The following UCK2 variants were observed in gnomAD, a reference collection of about 807,000 sequenced individuals.
UCK2 encodes the protein uridine-cytidine kinase 2, also known as cytidine monophosphokinase 2.
A neutral mutation model predicts 30.8 loss-of-function variants in UCK2; 6 were observed. The observed-to-expected ratio is 0.19, with a 90% confidence interval of 0.11 to 0.38. The LOEUF is 0.38. Among genes scored for constraint, UCK2 ranks in the 10% least tolerant of loss-of-function variants. The pLI is 1.00. For missense variants in UCK2, 210 were observed against 339.8 expected, an observed-to-expected ratio of 0.62 and a Z score of 3.00; for synonymous variants, 125 against 133.6, an observed-to-expected ratio of 0.94 and a Z score of 0.45.
At chr1:165,837,879 C>T (rs1329839386) in intron 1 of UCK2, among the ~76,000 whole-genome samples, 2 of 152,202 alleles carry the variant, frequency 1.3e-5, no homozygotes, top group Non-Finnish European at 2.9e-5. Flanking sequence ...ACCTCACCAT[C>T]TCAGTTGATG....
At chr1:165,833,634 T>TG (rs1373846042) in intron 1 of UCK2, among the ~76,000 whole-genome samples, 3 of 152,198 alleles carry the variant, frequency 2.0e-5, no homozygotes, top group Non-Finnish European at 4.4e-5. Flanking sequence ...TGTCAAATCT[T>TG]GCTTTTATGA....
At chr1:165,835,782 A>G (rs1034034952) in intron 1 of UCK2, among the ~76,000 whole-genome samples, 8 of 152,134 alleles carry the variant, frequency 5.3e-5, no homozygotes, top group African/African-American at 1.9e-4. Flanking sequence ...ATTTAATTTC[A>G]TTTATTTTTA....
intron 1 of UCK2, among the ~76,000 whole-genome samples, chr1:165,830,616 C>T (rs1032618750): frequency 5.7e-5 from 8 of 140,910 alleles, no homozygotes; most frequent in Non-Finnish European, 1.2e-4. Context: ...TGCGCCACCA[C>T]GCCGGCAATC....
At chr1:165,878,698 A>G (rs1655400487) in intron 1 of UCK2, among the ~76,000 whole-genome samples, 1 of 152,240 alleles carries the variant, frequency 6.6e-6, no homozygotes, top group Admixed American at 6.5e-5. Context: ...GCTGTACCAC[A>G]GTTTATTCAT....
Position 165,911,550 on chromosome 1 carries a change from T to G in UCK2, c.*3727T>G, listed in dbSNP as rs1205500417. 2 of 152,200 alleles carry G rather than the reference T, an allele frequency of 1.3e-5. No homozygotes were observed. Among genetic ancestry groups the G allele is most frequent in the Non-Finnish European group, 2.9e-5 (2 of 68,046 alleles). 9.4% of individuals were successfully genotyped at this position (152,200 alleles called of 1,614,324 possible). A position where few individuals can be genotyped will look rare whatever the true frequency, so the allele number is the denominator to read the frequency against. ...CCCTTTTCTTTTTACCACCCTACCT[T>G]TATTGTTAGTGGTTACAAAGTGACC... On this transcript the variant is annotated 3_prime_UTR_variant, in exon 7 of 7. Coordinates refer to ENST00000367879, the MANE Select transcript of UCK2 (RefSeq NM_012474.5).
At chr1:165,876,263 A>G (rs1181246469) in intron 1 of UCK2, among the ~76,000 whole-genome samples, 2 of 152,218 alleles carry the variant, frequency 1.3e-5, no homozygotes, top group Non-Finnish European at 2.9e-5. Flanking sequence ...ATTGCTACTC[A>G]TTTTGAAGAC....
intron 1 of UCK2, 134 bp from the exon 2 acceptor site, chr1:165,890,070 G>A (rs1655727098): frequency 1.5e-5 from 14 of 942,786 alleles, no homozygotes; most frequent in Admixed American, 2.1e-5. Flanking sequence ...CATCATGCAC[G>A]ATAGCTGCCT....
At chr1:165,877,792 T>TTAGTTGCA (rs1557843072) in intron 1 of UCK2, among the ~76,000 whole-genome samples, 1 of 152,184 alleles carries the variant, frequency 6.6e-6, no homozygotes, top group Non-Finnish European at 1.5e-5. Flanking sequence ...ATATGGTAGT[T>TTAGTTGCA]TAGTTGCATG....
intron 2 of UCK2, chr1:165,890,706 C>T: frequency 3.3e-6 from 1 of 298,590 alleles, no homozygotes; most frequent in East Asian, 7.4e-5. Context: ...GACCCTCCTC[C>T]TCAGGTGTAC....
At chr1:165,856,568 G>T (rs957527102) in intron 1 of UCK2, among the ~76,000 whole-genome samples, 2 of 150,944 alleles carry the variant, frequency 1.3e-5, no homozygotes, top group African/African-American at 4.9e-5. Context: ...TGACATTCCT[G>T]TGTGTTTTTA....
At chr1:165,905,826 A>G (rs1043496420) in intron 5 of UCK2, 95 bp from the exon 6 acceptor site, 1 of 1,166,768 alleles carries the variant, frequency 8.6e-7, no homozygotes, top group Non-Finnish European at 1.3e-6. Context: ...GCTCGCTAGT[A>G]TGAATGCTGC....
chr1:165,876,543 A>G (rs2101873708), intron 1 of UCK2, among the ~76,000 whole-genome samples: 1 of 152,360 alleles, frequency 6.6e-6, no homozygotes, highest in East Asian at 1.9e-4. Flanking sequence ...GTAAGGAGAT[A>G]AAAACAATGT....
At chr1:165,837,720 C>A (rs1654231046) in intron 1 of UCK2, among the ~76,000 whole-genome samples, 2 of 152,122 alleles carry the variant, frequency 1.3e-5, no homozygotes, top group African/African-American at 4.8e-5. Context: ...TAACAAGTGT[C>A]CAAAAACGGG....
At chr1:165,888,128 A>G (rs536170374) in intron 1 of UCK2, among the ~76,000 whole-genome samples, 20 of 152,328 alleles carry the variant, frequency 1.3e-4, no homozygotes, top group African/African-American at 4.3e-4. Context: ...GCTCAGGGCA[A>G]TCAAACACAA....
At chr1:165,841,111 G>GTATATATATATATA (rs61030546) in intron 1 of UCK2, among the ~76,000 whole-genome samples, 1 of 144,936 alleles carries the variant, frequency 6.9e-6, no homozygotes, top group African/African-American at 2.6e-5. Context: ...GTGTGTGTGT[G>GTATATATATATATA]TATATATATA....
chr1:165,908,653 T>C lies in UCK2; in HGVS notation c.*830T>C, dbSNP rs899265248. The C allele has an allele frequency of 5.3e-5, 8 of 151,982 alleles. No individual in the cohort carries two copies. The highest frequency in any genetic ancestry group is 1.9e-4 in the African/African-American group (8 of 41,354). The allele number at this position is 151,982 out of a possible 1,614,324, so 9.4% of individuals were successfully genotyped here. On this transcript the variant is annotated 3_prime_UTR_variant, in exon 7 of 7. Transcript: ENST00000367879. The stretch of plus-strand genomic sequence containing the variant: ...TGCCTCTTTCCTTCCCTGGAAGAGA[T>C]TTTATGGGATCGCTTCCTGATAGAA...
intron 1 of UCK2, among the ~76,000 whole-genome samples, chr1:165,857,811 T>G (rs746929669): frequency 5.3e-5 from 8 of 152,196 alleles, no homozygotes; most frequent in Non-Finnish European, 8.8e-5. Context: ...ACCCTACTCC[T>G]GTTGGCCTTA....
At chr1:165,906,493 G>A (rs531989061) in intron 6 of UCK2, among the ~76,000 whole-genome samples, 6 of 152,184 alleles carry the variant, frequency 3.9e-5, no homozygotes, top group South Asian at 2.1e-4. Flanking sequence ...CCAGCCTCCC[G>A]GTAGCTGGGA....
At chr1:165,882,125 G>C (rs1189022828) in intron 1 of UCK2, among the ~76,000 whole-genome samples, 4 of 152,182 alleles carry the variant, frequency 2.6e-5, no homozygotes, top group Non-Finnish European at 4.4e-5. Context: ...GTGCCGAAAG[G>C]GGGAAGAAAC....
Sources: allele counts gnomAD v4.1 joint callset (sites outside exome capture counted in the v4.1 genomes callset), GRCh38; gene constraint gnomAD v4.1.1; transcripts MANE v1.5; gene names NCBI Gene and HGNC (gene_info 2026-07-23, HGNC 2026-07-21).